EXO1: variants seen among roughly 807,000 people sequenced by gnomAD.
The protein encoded by EXO1 is exonuclease 1.
A neutral mutation model predicts 84.5 loss-of-function variants in EXO1; 69 were observed. The observed-to-expected ratio is 0.82, with a 90% confidence interval of 0.67 to 1.00. The LOEUF (loss-of-function observed/expected upper bound fraction) is 1.00. Ranked by LOEUF, EXO1 falls within the 50% of genes least tolerant of loss-of-function variation. EXO1 has a pLI of 0.00. For missense variants in EXO1, 1,045 were observed against 1,000.7 expected (o/e 1.04, Z -0.60); for synonymous variants, 373 against 366.1 (o/e 1.02, Z -0.21).
intron 15 of EXO1, among the ~76,000 whole-genome samples, chr1:241,887,350 A>G (rs557528095): frequency 1.2e-4 from 18 of 152,204 alleles, no homozygotes; most frequent in African/African-American, 3.4e-4. Flanking sequence ...CCTGGCCTAC[A>G]CTGGTGCACT....
At chr1:241,873,055 C>T (rs563013270) in intron 12 of EXO1, among the ~76,000 whole-genome samples, 17 of 151,098 alleles carry the variant, frequency 1.1e-4, no homozygotes, top group African/African-American at 2.7e-4. Flanking sequence ...TTCTAACTGA[C>T]GTGAGATGGT....
In EXO1 at chr1:241,889,507, A is replaced by T. The variant is rs1312962540; in HGVS notation, c.2448A>T (p.Pro816=). The T allele has an allele frequency of 1.9e-6, 3 of 1,613,708 alleles. No homozygotes were observed. In the Admixed American group the frequency reaches 5.0e-5, roughly 27 times the overall value. ...KLPPCKKPLS[P]VRDNIQLTPE... is the part of the protein sequence containing the mutation. Reference sequence around the variant, plus strand: ...CTCCTTGTAAGAAACCCCTGTCCCCAGTCAGAGATAACATCCAACTAACTC... The same window carrying T: ...CTCCTTGTAAGAAACCCCTGTCCCCTGTCAGAGATAACATCCAACTAACTC... Residue 816 remains proline (P), a synonymous_variant, in exon 16 of 16, where the codon CCA becomes CCT. Transcript: ENST00000366548.
At chr1:241,852,091 A>G (rs1660702703) in intron 4 of EXO1, among the ~76,000 whole-genome samples, 1 of 152,252 alleles carries the variant, frequency 6.6e-6, no homozygotes, top group African/African-American at 2.4e-5. Flanking sequence ...TTCACCAGAC[A>G]TCACATGGCT....
intron 7 of EXO1, among the ~76,000 whole-genome samples, chr1:241,857,809 GTACCAGTTTTATTTTT>G (rs1661150301): frequency 1.3e-5 from 2 of 152,130 alleles, no homozygotes; most frequent in Non-Finnish European, 2.9e-5. Context: ...GAATGTGGAC[GTACCAGTTTTATTTTT>G]TAATAATGAC....
rs544082898 is a variant in EXO1, at chr1:241,875,798, A to G, written c.1515-2951A>G. Reference sequence around the variant, plus strand: ...GAGGCTGAGGCAGGAGAATCGCTTGAACCCGGGAGGCGGAGGTTGCAGTGA... The same window carrying G: ...GAGGCTGAGGCAGGAGAATCGCTTGGACCCGGGAGGCGGAGGTTGCAGTGA... On this transcript the variant is annotated intron_variant, in intron 12 of 15. Transcript: ENST00000366548. Among the ~76,000 whole-genome samples the G allele has an allele frequency of 3.9e-5, 6 of 152,352 alleles. No homozygotes were observed. The South Asian group carries it at 1.0e-3, about 26-fold the overall frequency.
intron 15 of EXO1, among the ~76,000 whole-genome samples, chr1:241,888,616 T>C (rs1663194512): frequency 6.6e-6 from 1 of 152,214 alleles, no homozygotes; most frequent in East Asian, 1.9e-4. Flanking sequence ...AAATTAAGGG[T>C]GCAACAGTAT....
intron 8 of EXO1, among the ~76,000 whole-genome samples, chr1:241,860,232 A>G (rs895063294): frequency 6.6e-6 from 1 of 152,160 alleles, no homozygotes; most frequent in African/African-American, 2.4e-5. Context: ...AGATGAATGG[A>G]TAATGTATCT....
At chr1:241,852,506 T>G (rs2148386769) in intron 5 of EXO1, 95 bp downstream of exon 5, 2 of 1,167,496 alleles carry the variant, frequency 1.7e-6, no homozygotes, top group African/African-American at 1.5e-5. Context: ...TAAGCCAGGC[T>G]CAGTGGCTTG....
chr1:241,865,176 A>ATT (rs1036847989), intron 10 of EXO1, among the ~76,000 whole-genome samples: 3 of 92,168 alleles, frequency 3.3e-5, no homozygotes, highest in East Asian at 9.7e-4. Context: ...TGGCCACAGC[A>ATT]TTATATATAT....
At chr1:241,888,637 C>T (rs181318187) in intron 15 of EXO1, among the ~76,000 whole-genome samples, 1 of 152,234 alleles carries the variant, frequency 6.6e-6, no homozygotes, top group African/African-American at 2.4e-5. Flanking sequence ...TCTTAAATAC[C>T]TTTGAGAAAA....
At chr1:241,863,658 A>G (rs1661531342) in intron 10 of EXO1, among the ~76,000 whole-genome samples, 1 of 152,204 alleles carries the variant, frequency 6.6e-6, no homozygotes, top group Admixed American at 6.5e-5. Flanking sequence ...CAAATCTATA[A>G]CGACCCTAAA....
chr1:241,855,474 A>G (rs1343239578), intron 6 of EXO1, among the ~76,000 whole-genome samples: 3 of 152,212 alleles, frequency 2.0e-5, no homozygotes, highest in African/African-American at 7.2e-5. Context: ...CTAGACGTAA[A>G]GATTCTCCAA....
rs1558143735 is a variant in EXO1 at position 241,879,155 on chromosome 1, A to C, written c.1921A>C (p.Thr641Pro). 1 of 1,607,838 alleles carries C rather than the reference A, an allele frequency of 6.2e-7. No individual in the cohort carries two copies. The highest frequency in any genetic ancestry group is 1.7e-5 in the Admixed American group (1 of 59,900). The change falls in exon 13 of 16, where the codon ACC (threonine) becomes CCC (proline). Residue 641 changes from threonine (T) to proline (P), a missense_variant. Physicochemically the swap from Thr to Pro is conservative, Grantham distance 38. Coordinates refer to ENST00000366548, the MANE Select transcript of EXO1 (RefSeq NM_130398.4). ...GTTCCGAAGAAAGAGCGATTCCCCC[A>C]CCTCTTTGCCTGAGAATAATATGTC... is the stretch of plus-strand genomic sequence containing the variant. The part of the protein sequence containing the change: ...QQFRRKSDSP[T>P]SLPENNMSDV...
intron 10 of EXO1, among the ~76,000 whole-genome samples, chr1:241,862,099 C>T (rs1378141053): frequency 6.6e-6 from 1 of 152,168 alleles, no homozygotes; most frequent in South Asian, 2.1e-4. Context: ...CCACCACGCC[C>T]GGCTAATTTT....
chr1:241,853,153 A>G (rs1187763772), intron 5 of EXO1, among the ~76,000 whole-genome samples: 1 of 150,678 alleles, frequency 6.6e-6, no homozygotes, highest in Non-Finnish European at 1.5e-5. Flanking sequence ...GTGTGTGTGC[A>G]TATAATCATT....
intron 12 of EXO1, among the ~76,000 whole-genome samples, 155 bp downstream of exon 12, chr1:241,872,433 C>T (rs1662169424): frequency 6.6e-6 from 1 of 152,020 alleles, no homozygotes; most frequent in Non-Finnish European, 1.5e-5. Context: ...TATACATGTG[C>T]CATGGTGATT....
At chr1:241,850,296 A>C in intron 3 of EXO1, 113 bp from the exon 4 acceptor site, 1 of 788,900 alleles carries the variant, frequency 1.3e-6, no homozygotes, top group Admixed American at 2.4e-5. Context: ...AAAAAAAAAC[A>C]ACAAACCAAT....
At chr1:241,875,494 C>A (rs745615407) in intron 12 of EXO1, among the ~76,000 whole-genome samples, 60 of 152,272 alleles carry the variant, frequency 3.9e-4, no homozygotes, top group Non-Finnish European at 2.1e-4. Context: ...AGTTTTGATT[C>A]GTCTTTTGCT....
chr1:241,879,159 C>T lies in EXO1; in HGVS notation c.1925C>T (p.Ser642Phe), dbSNP rs1662590820. 2 of 1,608,408 alleles carry T rather than the reference C, an allele frequency of 1.2e-6. No individual in the cohort carries two copies. Among genetic ancestry groups the T allele is most frequent in the Non-Finnish European group, 1.7e-6 (2 of 1,175,046 alleles). ...QFRRKSDSPT[S>F]LPENNMSDVS... Reference sequence around the variant, plus strand: ...CGAAGAAAGAGCGATTCCCCCACCTCTTTGCCTGAGAATAATATGTCTGAT... The same window carrying T: ...CGAAGAAAGAGCGATTCCCCCACCTTTTTGCCTGAGAATAATATGTCTGAT... Residue 642 changes from serine to phenylalanine, a missense_variant, in exon 13 of 16, where the codon TCT (serine) becomes TTT (phenylalanine). Transcript: ENST00000366548.
Sources: allele counts gnomAD v4.1 joint callset (sites outside exome capture counted in the v4.1 genomes callset), GRCh38; gene constraint gnomAD v4.1.1; transcripts MANE v1.5; gene names NCBI Gene and HGNC (gene_info 2026-07-23, HGNC 2026-07-21).